DLC1: variants seen among roughly 807,000 people sequenced by gnomAD.
The protein encoded by DLC1 is DLC1 Rho GTPase activating protein, also known as rho GTPase-activating protein 7.
DLC1 carries 54 observed loss-of-function variants against 140.3 expected under a neutral mutation model. That is an observed-to-expected ratio of 0.38 (90% CI 0.31 to 0.48). DLC1 has a LOEUF of 0.48. Among genes scored for constraint, DLC1 ranks in the 20% least tolerant of loss-of-function variants. The pLI, the probability that DLC1 is intolerant of heterozygous loss-of-function variation, is 0.96. For missense variants in DLC1, 2,536 were observed against 1,907.0 expected, an observed-to-expected ratio of 1.33 and a Z score of -6.14; for synonymous variants, 986 against 728.1, an observed-to-expected ratio of 1.35 and a Z score of -5.70.
At chr8:13,419,898 A>G (rs1420726786) in intron 2 of DLC1, among the ~76,000 whole-genome samples, 4 of 152,070 alleles carry the variant, frequency 2.6e-5, no homozygotes, top group Non-Finnish European at 5.9e-5. Flanking sequence ...AGATCCTGTT[A>G]TTGGTCTATT....
chr8:13,273,982 A>G (rs1057488402), intron 5 of DLC1, among the ~76,000 whole-genome samples: 2 of 152,244 alleles, frequency 1.3e-5, no homozygotes, highest in South Asian at 2.1e-4. Flanking sequence ...CTTAAAAAAC[A>G]CTTTTTACCT....
chr8:13,521,465 CTCTTA>C (rs1480499709), intron 1 of DLC1, among the ~76,000 whole-genome samples: 1 of 152,094 alleles, frequency 6.6e-6, no homozygotes, highest in Non-Finnish European at 1.5e-5. Context: ...TCTTCAGCTT[CTCTTA>C]TAAGTCTTTC....
chr8:13,558,020 G>A (rs1031466941), intron 1 of DLC1: 8 of 152,150 alleles, frequency 5.3e-5, no homozygotes, highest in African/African-American at 1.7e-4. Context: ...AAAATTCTGG[G>A]GAGCTGGCAA....
intron 2 of DLC1, among the ~76,000 whole-genome samples, chr8:13,420,591 T>C (rs1838272123): frequency 6.6e-6 from 1 of 152,062 alleles, no homozygotes; most frequent in South Asian, 2.1e-4. Flanking sequence ...CCCGGGTGTG[T>C]GATGTTCCCC....
intron 5 of DLC1, among the ~76,000 whole-genome samples, chr8:13,135,382 T>A (rs2128966696): frequency 6.6e-6 from 1 of 152,020 alleles, no homozygotes; most frequent in Non-Finnish European, 1.5e-5. Context: ...AGGGTTTCAC[T>A]GTGTTAGCCA....
intron 1 of DLC1, among the ~76,000 whole-genome samples, chr8:13,555,982 T>C (rs1022678943): frequency 2.0e-5 from 3 of 152,078 alleles, no homozygotes; most frequent in Non-Finnish European, 4.4e-5. Context: ...TTTCAGGTAA[T>C]TGGAGTTCTA....
rs555065882 is a variant in DLC1, at chr8:13,116,142, T to C, written c.1349-485A>G. Reference sequence around the variant, plus strand: ...AGGGGTTGGGTGTTTCAAAAGCCCCTGACCTTGTGTTGTTTCACTGTTGCG... The same window carrying C: ...AGGGGTTGGGTGTTTCAAAAGCCCCCGACCTTGTGTTGTTTCACTGTTGCG... On this transcript the variant is annotated intron_variant, in intron 5 of 17. Coordinates refer to ENST00000276297, the MANE Select transcript of DLC1 (RefSeq NM_182643.3). 228 of 986,832 alleles carry C rather than the reference T, an allele frequency of 2.3e-4. 1 individual carries two copies. The highest frequency in any genetic ancestry group is 1.9e-3 in the African/African-American group (109 of 57,394). 61.1% of individuals were successfully genotyped at this position (986,832 alleles called of 1,614,324 possible).
intron 3 of DLC1, among the ~76,000 whole-genome samples, chr8:13,398,513 C>T (rs79825184): frequency 0.015 from 2,278 of 150,298 alleles, 53 homozygotes; most frequent in African/African-American, 0.054. Flanking sequence ...GCTTATAATC[C>T]CAACACATTG....
chr8:13,500,769 G>A (rs1428406896), intron 1 of DLC1, among the ~76,000 whole-genome samples: 1 of 152,176 alleles, frequency 6.6e-6, no homozygotes, highest in East Asian at 1.9e-4. Context: ...GAATAATCCA[G>A]TTTAGCACAT....
chr8:13,400,547 T>C (rs1837248477), intron 3 of DLC1, among the ~76,000 whole-genome samples: 1 of 152,178 alleles, frequency 6.6e-6, no homozygotes, highest in African/African-American at 2.4e-5. Flanking sequence ...TGGGCTGATG[T>C]GTGCAATATA....
chr8:13,132,339 C>A (rs1439777708), intron 5 of DLC1, among the ~76,000 whole-genome samples: 1 of 151,636 alleles, frequency 6.6e-6, no homozygotes, highest in Non-Finnish European at 1.5e-5. Flanking sequence ...CTTCCCTGGC[C>A]AGGTCTGAGT....
intron 1 of DLC1, among the ~76,000 whole-genome samples, chr8:13,555,060 C>G (rs1563437914): frequency 6.6e-6 from 1 of 152,318 alleles, no homozygotes; most frequent in Non-Finnish European, 1.5e-5. Context: ...ATTGGCTGTT[C>G]TCTTAGTCTG....
At chr8:13,376,554 G>A (rs1050639180) in intron 4 of DLC1, among the ~76,000 whole-genome samples, 5 of 152,150 alleles carry the variant, frequency 3.3e-5, no homozygotes, top group Non-Finnish European at 7.3e-5. Flanking sequence ...TAGAACGTGT[G>A]ATTTTGTTGA....
Position 13,100,593 on chromosome 8 carries a change from G to C in DLC1, c.1744C>G (p.Leu582Val). Residue 582 changes from leucine to valine, a missense_variant, in exon 9 of 18, where the codon CTG (leucine) becomes GTG (valine). Coordinates refer to ENST00000276297, the MANE Select transcript of DLC1 (RefSeq NM_182643.3). ...TCCTGGCGCTCGCTGAGGTCCATCA[G>C]CGTGCCTCCGGGGCTGGGGCCGTCC... ...PKDGPSPGGT[L>V]MDLSERQEVS... 2 of 1,613,990 alleles carry C rather than the reference G, an allele frequency of 1.2e-6. No individual in the cohort carries two copies. The highest frequency in any genetic ancestry group is 1.7e-6 in the Non-Finnish European group (2 of 1,179,964).
chr8:13,399,555 C>G (rs1837207912), intron 3 of DLC1, among the ~76,000 whole-genome samples: 1 of 152,170 alleles, frequency 6.6e-6, no homozygotes, highest in Admixed American at 6.5e-5. Context: ...TATCCCCATT[C>G]ATCCTATGAG....
intron 5 of DLC1, among the ~76,000 whole-genome samples, chr8:13,206,749 T>A (rs950220127): frequency 3.3e-5 from 5 of 152,120 alleles, no homozygotes; most frequent in Non-Finnish European, 5.9e-5. Flanking sequence ...AGTGAGTTCT[T>A]TACAATATTT....
At chr8:13,524,791 A>G (rs1226984444) in intron 1 of DLC1, among the ~76,000 whole-genome samples, 1 of 151,330 alleles carries the variant, frequency 6.6e-6, no homozygotes, top group African/African-American at 2.4e-5. Context: ...TCCAGACTTC[A>G]GTTGCTTTTG....
At chr8:13,303,943 G>A (rs184591083) in intron 5 of DLC1, among the ~76,000 whole-genome samples, 4 of 152,316 alleles carry the variant, frequency 2.6e-5, no homozygotes, top group Non-Finnish European at 5.9e-5. Context: ...CGCCAGCCAT[G>A]GCATTTCCAT....
intron 4 of DLC1, among the ~76,000 whole-genome samples, chr8:13,354,248 T>C (rs1723707926): frequency 6.6e-6 from 1 of 152,172 alleles, no homozygotes; most frequent in African/African-American, 2.4e-5. Context: ...CATGGCCTTC[T>C]AACTAGCCAA....
Sources: gnomAD v4.1 joint callset for allele counts (sites outside exome capture counted in the v4.1 genomes callset) on GRCh38, gnomAD v4.1.1 for gene constraint, MANE v1.5 for transcripts, NCBI Gene and HGNC (gene_info 2026-07-23, HGNC 2026-07-21) for gene names.